The following TMEM117 variants were observed in gnomAD, a reference collection of about 807,000 sequenced individuals.
TMEM117 encodes transmembrane protein 117.
TMEM117 carries 27 observed loss-of-function variants against 52.4 expected under a neutral mutation model. That is an observed-to-expected ratio of 0.51 (90% CI 0.38 to 0.71). The LOEUF (loss-of-function observed/expected upper bound fraction) is 0.71. Among genes scored for constraint, TMEM117 ranks in the 30% least tolerant of loss-of-function variants. TMEM117 has a pLI of 0.00. For synonymous variants in TMEM117, 215 were observed against 206.3 expected (o/e 1.04, Z -0.36); for missense variants, 556 against 630.5 (o/e 0.88, Z 1.26).
chr12:44,121,646 T>C (rs1356606737), intron 3 of TMEM117, among the ~76,000 whole-genome samples: 1 of 152,184 alleles, frequency 6.6e-6, no homozygotes, highest in African/African-American at 2.4e-5. Context: ...CAGGCAACAG[T>C]AGCCTATTAG....
At chr12:43,867,971 A>G (rs1193173266) in intron 2 of TMEM117, among the ~76,000 whole-genome samples, 1 of 152,208 alleles carries the variant, frequency 6.6e-6, no homozygotes, top group African/African-American at 2.4e-5. Context: ...CATTTTTTCA[A>G]GTACAATGGA....
In TMEM117 at chr12:44,128,765, G is replaced by A. The variant is rs188104412; in HGVS notation, c.411-14760G>A. Among the ~76,000 whole-genome samples, 4 of 152,314 alleles carry A rather than the reference G, an allele frequency of 2.6e-5. No homozygotes were observed. In the East Asian group the frequency reaches 7.7e-4, roughly 29 times the overall value. On this transcript the variant is annotated intron_variant, in intron 3 of 7. Transcript: ENST00000266534. Reference sequence around the variant, plus strand: ...TGCCCAGCAGATTTAAGCTGATTGTGTAGAAATATCTGGCATCATATATTG... The same window carrying A: ...TGCCCAGCAGATTTAAGCTGATTGTATAGAAATATCTGGCATCATATATTG...
chr12:44,176,683 T>G (rs75511177), intron 4 of TMEM117, among the ~76,000 whole-genome samples: 1,878 of 152,250 alleles, frequency 0.012, 32 homozygotes, highest in East Asian at 0.057. Flanking sequence ...TCTGGTTTAG[T>G]TAAACCAAAA....
intron 5 of TMEM117, among the ~76,000 whole-genome samples, chr12:44,238,381 TAGAA>T (rs761351417): frequency 2.0e-5 from 3 of 151,902 alleles, no homozygotes; most frequent in Non-Finnish European, 2.9e-5. Flanking sequence ...GAAGGGAAAA[TAGAA>T]GGAAGGAGGG....
chr12:44,350,404 A>G (rs766574177), intron 6 of TMEM117, among the ~76,000 whole-genome samples: 1 of 151,934 alleles, frequency 6.6e-6, no homozygotes, highest in Non-Finnish European at 1.5e-5. Context: ...CAATCCAACT[A>G]TATTTTTTAG....
chr12:43,998,966 A>G (rs563461395), intron 3 of TMEM117, among the ~76,000 whole-genome samples: 29 of 152,366 alleles, frequency 1.9e-4, no homozygotes, highest in Admixed American at 1.9e-3. Context: ...ATCATCAAGG[A>G]AATACAGATT....
chr12:44,248,526 A>C (rs1297505070), intron 5 of TMEM117: 1 of 155,902 alleles, frequency 6.4e-6, no homozygotes, highest in African/African-American at 2.4e-5. Flanking sequence ...AGGCACCTCC[A>C]GTAGCCCTGG....
At chr12:44,007,682 G>A (rs1254432216) in intron 3 of TMEM117, among the ~76,000 whole-genome samples, 1 of 152,104 alleles carries the variant, frequency 6.6e-6, no homozygotes. Flanking sequence ...CAATTCCCAT[G>A]TGTAGTGGGA....
intron 3 of TMEM117, among the ~76,000 whole-genome samples, chr12:44,011,775 T>C (rs1011507750): frequency 6.6e-6 from 1 of 152,206 alleles, no homozygotes; most frequent in Non-Finnish European, 1.5e-5. Context: ...ATAAAAGTTA[T>C]GTAAACATAG....
intron 2 of TMEM117, among the ~76,000 whole-genome samples, chr12:43,890,573 C>A (rs1022559603): frequency 9.2e-5 from 14 of 151,604 alleles, no homozygotes; most frequent in Non-Finnish European, 1.8e-4. Flanking sequence ...TGCTCGTCAC[C>A]CAGGCTGGAG....
chr12:43,915,997 G>T (rs1944596517), intron 2 of TMEM117, among the ~76,000 whole-genome samples: 1 of 151,756 alleles, frequency 6.6e-6, no homozygotes, highest in African/African-American at 2.4e-5. Context: ...TGGCCATTAT[G>T]GTAAATAGTG....
chr12:44,304,811 A>G (rs764620568), intron 6 of TMEM117, among the ~76,000 whole-genome samples: 1 of 152,226 alleles, frequency 6.6e-6, no homozygotes, highest in Non-Finnish European at 1.5e-5. Flanking sequence ...CATAAGGAGT[A>G]GCTAGGCAGT....
chr12:44,369,539 G>T (rs1951834422), intron 6 of TMEM117, among the ~76,000 whole-genome samples: 1 of 152,122 alleles, frequency 6.6e-6, no homozygotes, highest in Non-Finnish European at 1.5e-5. Flanking sequence ...TAAGAAAAAT[G>T]ATTGATGAAT....
At chr12:44,022,377 G>T (rs1169030373) in intron 3 of TMEM117, among the ~76,000 whole-genome samples, 1 of 152,102 alleles carries the variant, frequency 6.6e-6, no homozygotes, top group East Asian at 1.9e-4. Context: ...TTGAAATTCT[G>T]GCCTCATGAC....
intron 2 of TMEM117, among the ~76,000 whole-genome samples, chr12:43,875,099 A>C (rs1209458475): frequency 6.6e-6 from 1 of 152,258 alleles, no homozygotes; most frequent in Non-Finnish European, 1.5e-5. Context: ...AGTAATAGAT[A>C]CAAGTCGCCC....
chr12:43,969,995 A>G (rs980396221), intron 3 of TMEM117, among the ~76,000 whole-genome samples: 1 of 152,178 alleles, frequency 6.6e-6, no homozygotes, highest in East Asian at 1.9e-4. Flanking sequence ...TATTAAATGG[A>G]AAGTTCCATA....
chr12:43,819,407 T>C, the TMEM117 span, among the ~76,000 whole-genome samples: 7 of 152,212 alleles, frequency 4.6e-5, no homozygotes, highest in East Asian at 1.2e-3. Context: ...TTTCCCCTTA[T>C]GGTATTTCAG....
At chr12:44,393,720 C>G (rs915411773), downstream of TMEM117, among the ~76,000 whole-genome samples, 6 of 152,186 alleles carry the variant, frequency 3.9e-5, no homozygotes, top group African/African-American at 1.4e-4. Context: ...TCTAGCAATT[C>G]TTACCGCTCA....
At chr12:43,850,014 C>T (rs1450582224) in intron 2 of TMEM117, among the ~76,000 whole-genome samples, 3 of 152,112 alleles carry the variant, frequency 2.0e-5, no homozygotes. Context: ...TGGCTTCTAC[C>T]ACTGTTCTGT....
Sources: gnomAD v4.1 joint callset for allele counts (sites outside exome capture counted in the v4.1 genomes callset) on GRCh38, gnomAD v4.1.1 for gene constraint, MANE v1.5 for transcripts, NCBI Gene and HGNC (gene_info 2026-07-23, HGNC 2026-07-21) for gene names.